EPN1: variants seen among roughly 807,000 people sequenced by gnomAD.
EPN1 encodes the protein epsin-1.
In EPN1, 25 loss-of-function variants were observed where a neutral mutation model predicts 56.9. The ratio of observed to expected loss-of-function variants is 0.44; its 90% CI spans 0.32 to 0.61. The LOEUF (loss-of-function observed/expected upper bound fraction) is 0.61, where lower values mean the gene tolerates loss of function less well. EPN1 is among the 20% of genes least tolerant of loss of function. The pLI, the probability that EPN1 is intolerant of heterozygous loss-of-function variation, is 0.05. For missense variants in EPN1, 785 were observed against 823.7 expected (o/e 0.95, Z 0.58); for synonymous variants, 411 against 361.8 (o/e 1.14, Z -1.54).
At chr19:55,693,066 G>C (rs757693956) in intron 9 of EPN1, 29 bp downstream of exon 9, 6 of 1,597,946 alleles carry the variant, frequency 3.8e-6, no homozygotes, top group Admixed American at 1.7e-5. Context: ...CTGCCCAGTG[G>C]CGAGAGGGAG....
intron 6 of EPN1, among the ~76,000 whole-genome samples, chr19:55,690,672 G>A (rs1365605821): frequency 2.0e-5 from 3 of 152,190 alleles, no homozygotes; most frequent in Non-Finnish European, 2.9e-5. Context: ...GGACAAGCTC[G>A]TCGGGCTGGG....
chr19:55,679,784 C>T (rs1223759886), intron 2 of EPN1, among the ~76,000 whole-genome samples: 1 of 152,134 alleles, frequency 6.6e-6, no homozygotes, highest in Non-Finnish European at 1.5e-5. Context: ...CCCATCCCGA[C>T]ACACCAGGAT....
Position 55,702,667 on chromosome 19 carries a change from G to T in EPN1, c.*7311G>T, listed in dbSNP as rs1987198313. ...CTTTTTGTTAGGAAGTTTTTTGCTG[G>T]GGACTCTCTTCGCCCTATCTACCTA... On this transcript the variant is annotated 3_prime_UTR_variant, in exon 11 of 11. Coordinates refer to ENST00000270460, the MANE Select transcript of EPN1 (RefSeq NM_001130072.2). 1 of 152,186 alleles carries T rather than the reference G, an allele frequency of 6.6e-6. No individual in the cohort carries two copies. The highest frequency in any genetic ancestry group is 1.5e-5 in the Non-Finnish European group (1 of 68,034). The allele number at this position is 152,186 out of a possible 1,614,324, so 9.4% of individuals were successfully genotyped here.
chr19:55,688,863 C>T lies in EPN1; in HGVS notation c.479-7C>T, dbSNP rs1172223260. 6 of 1,574,610 alleles carry T rather than the reference C, an allele frequency of 3.8e-6. No homozygotes were observed. Among genetic ancestry groups the T allele is most frequent in the South Asian group, 1.2e-5 (1 of 85,972 alleles). ...TGGGTCTCACGCGTTTCTCACCCGC[C>T]CTCCAGCCTCATCAGCAGCTGTGGG... On this transcript the variant is annotated splice_polypyrimidine_tract_variant and splice_region_variant and intron_variant, in intron 3 of 10. Coordinates refer to ENST00000270460, the MANE Select transcript of EPN1 (RefSeq NM_001130072.2).
rs1441299619 is a variant in EPN1 at position 55,678,926 on chromosome 19, A to G, written c.228+71A>G. 8 of 1,096,444 alleles carry G rather than the reference A, an allele frequency of 7.3e-6. No individual in the cohort carries two copies. In the East Asian group the frequency reaches 1.9e-4, roughly 26 times the overall value. 67.9% of individuals were successfully genotyped at this position (1,096,444 alleles called of 1,614,324 possible). ...GGGAGGACAGGAGCCCGTGTTGTGC[A>G]CCCTGCCTGGGATGGCATCCCGGTT... On this transcript the variant is annotated intron_variant, in intron 2 of 10. Coordinates refer to ENST00000270460, the MANE Select transcript of EPN1 (RefSeq NM_001130072.2).
Position 55,694,648 on chromosome 19 carries a change from A to G in EPN1, c.1265-78A>G, listed in dbSNP as rs1030382970. ...CACCGGGCTCTTTGAAGCGCCCCCTATGATGGCCTATACTGCTCCCGGGTT... is the reference window on the plus strand; with the variant it reads ...CACCGGGCTCTTTGAAGCGCCCCCTGTGATGGCCTATACTGCTCCCGGGTT... On this transcript the variant is annotated intron_variant, in intron 9 of 10. Coordinates refer to ENST00000270460, the MANE Select transcript of EPN1 (RefSeq NM_001130072.2). The surrounding 1 kb of genome is among the most constrained non-coding windows in gnomAD (Gnocchi z 4.2). 61 of 1,465,178 alleles carry G rather than the reference A, an allele frequency of 4.2e-5. 1 individual carries two copies. Among genetic ancestry groups the G allele is most frequent in the Non-Finnish European group, 5.0e-5 (56 of 1,109,600 alleles). 90.8% of individuals were successfully genotyped at this position (1,465,178 alleles called of 1,614,324 possible). A position where few individuals can be genotyped will look rare whatever the true frequency, so the allele number is the denominator to read the frequency against.
rs544529329 is a variant in EPN1, at chr19:55,682,033, T to C, written c.228+3178T>C. ...GTTGCCCAGGCTGGTCTTGAACTCC[T>C]GGGCTCAAGCGATCCTCTTGCCTTG... On this transcript the variant is annotated intron_variant, in intron 2 of 10. Coordinates refer to ENST00000270460, the MANE Select transcript of EPN1 (RefSeq NM_001130072.2). 7.9e-5 allele frequency among the ~76,000 whole-genome samples: 12 copies of C among 151,942 alleles called. No individual in the cohort carries two copies. In the South Asian group the frequency reaches 2.3e-3, roughly 29 times the overall value.
At position 55,691,799 on chromosome 19, in the gene EPN1, G is replaced by C. The variant is rs913572155; in HGVS notation, c.808G>C (p.Ala270Pro). 1.7e-5 allele frequency: 27 copies of C among 1,612,332 alleles called. No individual in the cohort carries two copies. The highest frequency in any genetic ancestry group is 6.7e-5 in the Admixed American group (4 of 59,870). The change falls in exon 7 of 11, where the codon GCC becomes CCC. Residue 270 changes from alanine to proline, a missense_variant. Physicochemically the swap from Ala to Pro is conservative, Grantham distance 27 (BLOSUM62 -1). Transcript: ENST00000270460. This position sits in a 1 kb window ranked among gnomAD's most constrained non-coding sequence, Gnocchi z 5.6. ...LADVFTAPAP[A>P]PTTDPWGGPA... ...TGACGTCTTCACGGCCCCAGCTCCT[G>C]CCCCGACCACAGACCCCTGGGGGGG... is the stretch of plus-strand genomic sequence containing the variant.
At position 55,689,762 on chromosome 19, in the gene EPN1, C is replaced by T. The variant is rs570450835; in HGVS notation, c.679-105C>T. 56 of 1,039,526 alleles carry T rather than the reference C, an allele frequency of 5.4e-5. 1 individual carries two copies. The highest frequency in any genetic ancestry group is 4.1e-4 in the South Asian group (30 of 73,746). 64.4% of individuals were successfully genotyped at this position (1,039,526 alleles called of 1,614,324 possible). A position where few individuals can be genotyped will look rare whatever the true frequency, so the allele number is the denominator to read the frequency against. The stretch of plus-strand genomic sequence containing the variant: ...TCCGCATCCCATCGAATCCTTCAGC[C>T]GCTTTCGTTGGGGTGGGAGGGGTTG... On this transcript the variant is annotated intron_variant, in intron 5 of 10. Transcript: ENST00000270460. This position sits in a 1 kb window ranked among gnomAD's most constrained non-coding sequence, Gnocchi z 5.7.
chr19:55,677,265 A>C, intron 1 of EPN1: 4 of 1,098,000 alleles, frequency 3.6e-6, no homozygotes, highest in Non-Finnish European at 5.5e-6. Context: ...CTCAGTTTCC[A>C]CCCTGTGAGG....
At chr19:55,685,742 G>A in intron 3 of EPN1, 97 bp downstream of exon 3, 2 of 1,457,668 alleles carry the variant, frequency 1.4e-6, no homozygotes, top group South Asian at 1.3e-5. Flanking sequence ...CTCCCAGCCA[G>A]GAGGGACCGC....
At chr19:55,692,131 C>A in intron 7 of EPN1, 74 bp downstream of exon 7, 2 of 1,346,990 alleles carry the variant, frequency 1.5e-6, no homozygotes, top group Non-Finnish European at 1.9e-6. Context: ...TGCCCTTGGA[C>A]AGGGACAGAT....
intron 2 of EPN1, among the ~76,000 whole-genome samples, chr19:55,681,557 C>A (rs781702784): frequency 6.6e-6 from 1 of 152,214 alleles, no homozygotes; most frequent in Non-Finnish European, 1.5e-5. Flanking sequence ...CAGCCAGGCC[C>A]ATTCATCTGT....
chr19:55,686,684 G>A (rs1426749999), intron 3 of EPN1, among the ~76,000 whole-genome samples: 1 of 152,110 alleles, frequency 6.6e-6, no homozygotes, highest in African/African-American at 2.4e-5. Flanking sequence ...CCAGTAGATG[G>A]GCGTGAACGC....
rs184444310 is a variant in EPN1, at chr19:55,684,090, C to T, written c.229-1306C>T. ...GCTTTCCTTTCTTTCGTGTAAATAC[C>T]TTGAGGGCCGGTTAAAGACTAATCT... On this transcript the variant is annotated intron_variant, in intron 2 of 10. Transcript: ENST00000270460. 2.0e-5 allele frequency among the ~76,000 whole-genome samples: 3 copies of T among 152,230 alleles called. No homozygotes were observed. In the East Asian group the frequency reaches 5.8e-4, roughly 29 times the overall value.
intron 2 of EPN1, among the ~76,000 whole-genome samples, chr19:55,679,690 ATG>A (rs1415117956): frequency 6.6e-6 from 1 of 152,162 alleles, no homozygotes; most frequent in Admixed American, 6.5e-5. Flanking sequence ...CCACTCACAG[ATG>A]AGGAGGCTGA....
intron 3 of EPN1, among the ~76,000 whole-genome samples, chr19:55,688,472 A>G (rs1986311506): frequency 6.6e-6 from 1 of 151,978 alleles, no homozygotes; most frequent in Admixed American, 6.5e-5. Context: ...ACCATTCTCA[A>G]CAAGCCCTGG....
chr19:55,685,630 G>T lies in EPN1; in HGVS notation c.463G>T (p.Ala155Ser). ...CGCGCTCAAGACCAAGGAAAAGCTG[G>T]CACAGACCGCCACGGGTGAGTCCCT... is the stretch of plus-strand genomic sequence containing the variant. Reference protein sequence around the residue: ...AHALKTKEKLAQTATASSAAV... With the variant: ...AHALKTKEKLSQTATASSAAV... The change falls in exon 3 of 11, where the codon GCA (alanine) becomes TCA (serine). Residue 155 changes from alanine (A) to serine (S), a missense_variant. This residue lies in a region of EPN1 where 650 missense variants were observed against 605.0 expected (regional missense o/e 1.07). Coordinates refer to ENST00000270460, the MANE Select transcript of EPN1 (RefSeq NM_001130072.2). The T allele has an allele frequency of 1.9e-6, 3 of 1,598,146 alleles. No individual in the cohort carries two copies. Among genetic ancestry groups the T allele is most frequent in the Non-Finnish European group, 2.6e-6 (3 of 1,173,968 alleles).
Position 55,689,041 on chromosome 19 carries a change from G to C in EPN1, c.603+47G>C, listed in dbSNP as rs376180950. On this transcript the variant is annotated intron_variant, in intron 4 of 10. Coordinates refer to ENST00000270460, the MANE Select transcript of EPN1 (RefSeq NM_001130072.2). This position sits in a 1 kb window ranked among gnomAD's most constrained non-coding sequence, Gnocchi z 5.7. ...CTGTCTGTCCGCCACCCGCCTCCAC[G>C]CCTCACTTCAGGCTCCCTCCCAGCC... 7.0e-4 allele frequency: 1,074 copies of C among 1,541,006 alleles called. 1 individual carries two copies. The highest frequency in any genetic ancestry group is 8.4e-4 in the Non-Finnish European group (960 of 1,147,318).
Sources: gnomAD v4.1 joint callset for allele counts (sites outside exome capture counted in the v4.1 genomes callset) on GRCh38, gnomAD v4.1.1 for gene constraint, gnomAD v4.1.1 regional missense constraint, Gnocchi (gnomAD v3.1) non-coding constraint, MANE v1.5 for transcripts, NCBI Gene and HGNC (gene_info 2026-07-23, HGNC 2026-07-21) for gene names.